The following NFX1 variants were observed in gnomAD, a reference collection of about 807,000 sequenced individuals.
The protein encoded by NFX1 is nuclear transcription factor, X-box binding 1, also known as transcriptional repressor NF-X1.
A neutral mutation model predicts 137.2 loss-of-function variants in NFX1; 69 were observed. That is an observed-to-expected ratio of 0.50 (90% CI 0.41 to 0.61). NFX1 has a LOEUF of 0.61. Among genes scored for constraint, NFX1 ranks in the 20% least tolerant of loss-of-function variants. The probability of loss-of-function intolerance (pLI) is 0.00; values close to 1 mark genes in which losing one functional copy is unlikely to be tolerated. For missense variants in NFX1, 1,167 were observed against 1,391.0 expected, an observed-to-expected ratio of 0.84 and a Z score of 2.56; for synonymous variants, 495 against 474.1, an observed-to-expected ratio of 1.04 and a Z score of -0.57.
At chr9:33,342,698 T>C (rs763436840) in intron 12 of NFX1, 48 bp from the exon 13 acceptor site, 22 of 1,266,996 alleles carry the variant, frequency 1.7e-5, no homozygotes, top group Non-Finnish European at 2.4e-5. Context: ...TTATGGAAAA[T>C]ATAAAATGAA....
At chr9:33,302,817 G>A (rs772601342) in intron 3 of NFX1, among the ~76,000 whole-genome samples, 4 of 151,620 alleles carry the variant, frequency 2.6e-5, no homozygotes, top group Non-Finnish European at 4.4e-5. Context: ...TTACAGGCGC[G>A]CACCACCACG....
At chr9:33,314,226 A>T (rs1224788987) in intron 7 of NFX1, among the ~76,000 whole-genome samples, 1 of 151,966 alleles carries the variant, frequency 6.6e-6, no homozygotes, top group African/African-American at 2.4e-5. Flanking sequence ...TCAAGTGATA[A>T]TGCCTGCCTG....
chr9:33,303,902 ACTGT>A (rs1231087941), intron 4 of NFX1, among the ~76,000 whole-genome samples: 2 of 151,724 alleles, frequency 1.3e-5, no homozygotes. Flanking sequence ...TTGTTTCTTT[ACTGT>A]CTGTCTCCCT....
intron 4 of NFX1, among the ~76,000 whole-genome samples, chr9:33,303,918 C>T (rs906695123): frequency 4.6e-5 from 7 of 152,074 alleles, no homozygotes; most frequent in African/African-American, 1.5e-4. Flanking sequence ...TGTCTCCCTC[C>T]CTGAAGCATT....
intron 12 of NFX1, among the ~76,000 whole-genome samples, chr9:33,341,844 C>T (rs117739333): frequency 0.025 from 3,752 of 152,240 alleles, 68 homozygotes; most frequent in Non-Finnish European, 0.036. Context: ...AGGCTGGATG[C>T]GGTGGCTCAT....
chr9:33,298,036 C>T (rs1483198597), intron 2 of NFX1, among the ~76,000 whole-genome samples: 1 of 152,100 alleles, frequency 6.6e-6, no homozygotes, highest in Non-Finnish European at 1.5e-5. Flanking sequence ...TGCATAAATA[C>T]TATATACCAA....
chr9:33,338,674 C>G, intron 12 of NFX1, 85 bp downstream of exon 12: 1 of 1,251,284 alleles, frequency 8.0e-7, no homozygotes, highest in Non-Finnish European at 1.1e-6. Context: ...AGAATGCAGC[C>G]CGGATTTAAA....
rs1170462144 is a variant in NFX1, at chr9:33,294,928, T to C, written c.534T>C (p.Tyr178=). 2 of 1,613,944 alleles carry C rather than the reference T, an allele frequency of 1.2e-6. No homozygotes were observed. The highest frequency in any genetic ancestry group is 8.5e-7 in the Non-Finnish European group (1 of 1,180,018). ...PKKATQFVYS[Y]GRGPKVKGKL... Reference sequence around the variant, plus strand: ...AAGCAACACAGTTTGTATACAGCTATGGTAGAGGACCAAAAGTCAAGGGGA... The same window carrying C: ...AAGCAACACAGTTTGTATACAGCTACGGTAGAGGACCAAAAGTCAAGGGGA... The change falls in exon 2 of 24, where the codon TAT becomes TAC. Residue 178 remains tyrosine (Y), a synonymous_variant. Coordinates refer to ENST00000379540, the MANE Select transcript of NFX1 (RefSeq NM_002504.6).
intron 17 of NFX1, chr9:33,352,923 G>T (rs879515943): frequency 2.3e-5 from 12 of 528,554 alleles, no homozygotes; most frequent in Non-Finnish European, 3.7e-5. Context: ...AGCTGGAAAG[G>T]TTTTTTTGTT....
At chr9:33,303,905 G>T (rs1312537382) in intron 4 of NFX1, among the ~76,000 whole-genome samples, 3 of 151,736 alleles carry the variant, frequency 2.0e-5, no homozygotes, top group African/African-American at 7.3e-5. Flanking sequence ...TTTCTTTACT[G>T]TCTGTCTCCC....
intron 14 of NFX1, among the ~76,000 whole-genome samples, chr9:33,344,806 C>CTT (rs1823353828): frequency 1.3e-5 from 2 of 150,982 alleles, no homozygotes; most frequent in South Asian, 4.2e-4. Context: ...GCAGAGGTTG[C>CTT]AGTAAGCTGA....
intron 23 of NFX1, among the ~76,000 whole-genome samples, chr9:33,368,798 T>G (rs1237262843): frequency 3.3e-5 from 5 of 152,190 alleles, no homozygotes; most frequent in Non-Finnish European, 5.9e-5. Flanking sequence ...CAGCACTTAG[T>G]GTTCCTGTGG....
chr9:33,344,682 A>G (rs866143803), intron 14 of NFX1, among the ~76,000 whole-genome samples: 1 of 151,648 alleles, frequency 6.6e-6, no homozygotes, highest in Non-Finnish European at 1.5e-5. Context: ...CCTGCCCAAC[A>G]TGGTGAAACC....
chr9:33,358,024 A>G (rs1482247688), intron 19 of NFX1, among the ~76,000 whole-genome samples: 1 of 152,092 alleles, frequency 6.6e-6, no homozygotes, highest in Non-Finnish European at 1.5e-5. Context: ...ATTTCTCTCA[A>G]TGATACTTTA....
chr9:33,301,326 G>C lies in NFX1; in HGVS notation c.1097G>C (p.Arg366Pro). The C allele has an allele frequency of 1.2e-6, 2 of 1,614,144 alleles. No individual in the cohort carries two copies. The highest frequency in any genetic ancestry group is 1.3e-5 in the African/African-American group (1 of 75,036). The change falls in exon 3 of 24, where the codon CGT (arginine) becomes CCT (proline). Residue 366 changes from arginine (R) to proline (P), a missense_variant. Physicochemically the swap from Arg to Pro is moderately radical, Grantham distance 103. This residue lies in a region of NFX1 where 488 missense variants were observed against 691.5 expected (regional missense o/e 0.71). Coordinates refer to ENST00000379540, the MANE Select transcript of NFX1 (RefSeq NM_002504.6). ...YECMVCCELVRVTAPVWSCQS... is the reference protein window; with the variant it reads ...YECMVCCELVPVTAPVWSCQS... ...TGCATGGTGTGCTGTGAATTGGTTCGTGTCACGGCCCCAGTGTGGAGTTGT... is the reference window on the plus strand; with the variant it reads ...TGCATGGTGTGCTGTGAATTGGTTCCTGTCACGGCCCCAGTGTGGAGTTGT...
At chr9:33,313,433 AAAAAAC>A (rs1410998719) in intron 6 of NFX1, among the ~76,000 whole-genome samples, 6 of 152,046 alleles carry the variant, frequency 3.9e-5, no homozygotes, top group Non-Finnish European at 7.4e-5. Context: ...TATTTAAAAA[AAAAAAC>A]AAAAACAAAA....
chr9:33,316,103 C>T (rs1369872497), intron 7 of NFX1, among the ~76,000 whole-genome samples: 1 of 152,108 alleles, frequency 6.6e-6, no homozygotes, highest in Non-Finnish European at 1.5e-5. Context: ...CTTCCATCAC[C>T]TATTGTGAAT....
intron 7 of NFX1, among the ~76,000 whole-genome samples, chr9:33,317,117 G>A (rs891857612): frequency 7.2e-5 from 11 of 151,908 alleles, no homozygotes; most frequent in African/African-American, 1.2e-4. Context: ...GTTTTAGAAC[G>A]GGGGAAAAAA....
At chr9:33,350,391 C>T (rs977280430) in intron 15 of NFX1, among the ~76,000 whole-genome samples, 1 of 152,058 alleles carries the variant, frequency 6.6e-6, no homozygotes, top group East Asian at 1.9e-4. Flanking sequence ...CCCTCCACCC[C>T]GCATCTATAA....
Sources: gnomAD v4.1 joint callset for allele counts (sites outside exome capture counted in the v4.1 genomes callset) on GRCh38, gnomAD v4.1.1 for gene constraint, gnomAD v4.1.1 regional missense constraint, MANE v1.5 for transcripts, NCBI Gene and HGNC (gene_info 2026-07-23, HGNC 2026-07-21) for gene names.